The following LAMA1 variants were observed in gnomAD, a reference collection of about 807,000 sequenced individuals.
LAMA1 encodes the protein laminin subunit alpha-1.
Under a neutral mutation model 348.7 loss-of-function variants are expected in LAMA1, and 219 were observed. The ratio of observed to expected loss-of-function variants is 0.63; its 90% CI spans 0.56 to 0.70. The LOEUF (loss-of-function observed/expected upper bound fraction) is 0.70. Among genes scored for constraint, LAMA1 ranks in the 30% least tolerant of loss-of-function variants. The pLI is 0.00. For missense variants in LAMA1, 3,744 were observed against 3,888.0 expected (o/e 0.96, Z 0.99); for synonymous variants, 1,487 against 1,491.0 (o/e 1.00, Z 0.06).
intron 3 of LAMA1, among the ~76,000 whole-genome samples, chr18:7,052,049 A>T (rs894944523): frequency 2.0e-5 from 3 of 152,196 alleles, no homozygotes; most frequent in African/African-American, 7.2e-5. Flanking sequence ...AAATAGAAAC[A>T]CACGCTATGG....
chr18:7,107,230 T>A (rs375641191), intron 1 of LAMA1, among the ~76,000 whole-genome samples: 36 of 151,440 alleles, frequency 2.4e-4, no homozygotes, highest in Non-Finnish European at 4.1e-4. Context: ...GCCATTCTCC[T>A]GCCTCTGCCT....
chr18:6,944,816 G>C (rs1177711425), intron 61 of LAMA1, among the ~76,000 whole-genome samples: 2 of 152,072 alleles, frequency 1.3e-5, no homozygotes, highest in Non-Finnish European at 2.9e-5. Flanking sequence ...AAGACAGGAG[G>C]AAAGAATTTC....
chr18:7,031,419 T>A (rs1052835543), intron 16 of LAMA1, among the ~76,000 whole-genome samples: 2 of 152,198 alleles, frequency 1.3e-5, no homozygotes, highest in Non-Finnish European at 2.9e-5. Flanking sequence ...TCATATTGCA[T>A]GAAAGAAGTA....
At chr18:6,996,491 G>C (rs1027439080) in intron 33 of LAMA1, among the ~76,000 whole-genome samples, 1 of 152,166 alleles carries the variant, frequency 6.6e-6, no homozygotes, top group African/African-American at 2.4e-5. Context: ...ATTAAAAGTA[G>C]GTCGGGCGTG....
intron 59 of LAMA1, 44 bp downstream of exon 59, chr18:6,949,057 G>T: frequency 1.2e-6 from 2 of 1,611,854 alleles, no homozygotes; most frequent in South Asian, 1.1e-5. Flanking sequence ...AAATAAACAC[G>T]AACACAACGA....
chr18:7,110,850 G>A (rs1196210308), intron 1 of LAMA1, among the ~76,000 whole-genome samples: 1 of 149,916 alleles, frequency 6.7e-6, no homozygotes, highest in Non-Finnish European at 1.5e-5. Flanking sequence ...AAAGTATGGT[G>A]TACCATAATC....
chr18:7,117,121 C>A (rs2058360239), intron 1 of LAMA1, among the ~76,000 whole-genome samples: 1 of 152,194 alleles, frequency 6.6e-6, no homozygotes. Flanking sequence ...CCGCGTCTCT[C>A]CCCACTAGCC....
chr18:7,006,830 T>C (rs1041588974), intron 29 of LAMA1, among the ~76,000 whole-genome samples: 1 of 152,224 alleles, frequency 6.6e-6, no homozygotes, highest in Non-Finnish European at 1.5e-5. Flanking sequence ...ATTATAGTCT[T>C]ATCAGACCAC....
intron 16 of LAMA1, among the ~76,000 whole-genome samples, chr18:7,028,305 A>G (rs1296174056): frequency 6.6e-6 from 1 of 152,224 alleles, no homozygotes; most frequent in Non-Finnish European, 1.5e-5. Context: ...TAGAAGCTCA[A>G]TAAACCCCAG....
chr18:6,966,372 C>A, intron 48 of LAMA1, 75 bp from the exon 49 acceptor site: 4 of 1,223,592 alleles, frequency 3.3e-6, no homozygotes, highest in Non-Finnish European at 4.7e-6. Flanking sequence ...TTACTGAGTT[C>A]TCCTTCACAA....
At chr18:6,944,172 T>C (rs903800362) in intron 61 of LAMA1, among the ~76,000 whole-genome samples, 2 of 152,104 alleles carry the variant, frequency 1.3e-5, no homozygotes, top group African/African-American at 4.8e-5. Flanking sequence ...TCCACCACCA[T>C]GCCCAGCTAA....
At chr18:7,003,830 T>C (rs1053523308) in intron 29 of LAMA1, among the ~76,000 whole-genome samples, 10 of 152,358 alleles carry the variant, frequency 6.6e-5, no homozygotes, top group African/African-American at 2.4e-4. Flanking sequence ...CATTTAAATG[T>C]TTTTAAAATT....
At chr18:7,089,260 TC>T (rs908450699) in intron 1 of LAMA1, among the ~76,000 whole-genome samples, 2 of 151,948 alleles carry the variant, frequency 1.3e-5, no homozygotes, top group Admixed American at 1.3e-4. Flanking sequence ...GCACCTGTAG[TC>T]CCACCTAATC....
At chr18:7,004,652 C>T (rs1407762474) in intron 29 of LAMA1, among the ~76,000 whole-genome samples, 1 of 152,028 alleles carries the variant, frequency 6.6e-6, no homozygotes, top group Non-Finnish European at 1.5e-5. Flanking sequence ...GCGCCCGGCC[C>T]CAATCATTTT....
At chr18:7,095,533 G>A (rs1335141140) in intron 1 of LAMA1, among the ~76,000 whole-genome samples, 1 of 152,200 alleles carries the variant, frequency 6.6e-6, no homozygotes, top group Non-Finnish European at 1.5e-5. Flanking sequence ...CAGCTCTGAA[G>A]AAGGCTGGCA....
At chr18:7,063,763 T>G (rs1367454367) in intron 3 of LAMA1, among the ~76,000 whole-genome samples, 1 of 152,130 alleles carries the variant, frequency 6.6e-6, no homozygotes, top group Non-Finnish European at 1.5e-5. Context: ...AAAGGACAAA[T>G]AGAATATGAT....
chr18:7,117,148 G>A (rs1883712503), intron 1 of LAMA1, among the ~76,000 whole-genome samples: 1 of 152,200 alleles, frequency 6.6e-6, no homozygotes, highest in Non-Finnish European at 1.5e-5. Context: ...GCTGCCAGGG[G>A]CCCCGAGGAA....
intron 19 of LAMA1, among the ~76,000 whole-genome samples, chr18:7,021,140 GCTC>G (rs139478581): frequency 0.016 from 2,445 of 152,194 alleles, 73 homozygotes; most frequent in African/African-American, 0.055. Flanking sequence ...TCTTCTTGGG[GCTC>G]TTCTTCCCAT....
At chr18:7,020,311 T>C (rs1485486945) in intron 19 of LAMA1, among the ~76,000 whole-genome samples, 1 of 152,096 alleles carries the variant, frequency 6.6e-6, no homozygotes, top group Non-Finnish European at 1.5e-5. Flanking sequence ...CTACCAAGCT[T>C]CAAGTGAGTG....
Sources: gnomAD v4.1 joint callset for allele counts (sites outside exome capture counted in the v4.1 genomes callset) on GRCh38, gnomAD v4.1.1 for gene constraint, MANE v1.5 for transcripts, NCBI Gene and HGNC (gene_info 2026-07-23, HGNC 2026-07-21) for gene names.